Variants in RALGDS observed in about 807,000 individuals in gnomAD.
RALGDS encodes ral guanine nucleotide exchange factor.
In RALGDS, 44 loss-of-function variants were observed where a neutral mutation model predicts 99.8. The observed-to-expected ratio is 0.44, with a 90% CI of 0.35 to 0.57. The LOEUF (loss-of-function observed/expected upper bound fraction) is 0.57. Among genes scored for constraint, RALGDS ranks in the 20% least tolerant of loss-of-function variants. The probability of loss-of-function intolerance (pLI) is 0.01; values close to 1 mark genes in which losing one functional copy is unlikely to be tolerated. For synonymous variants in RALGDS, 529 were observed against 505.0 expected, an observed-to-expected ratio of 1.05 and a Z score of -0.64; for missense variants, 1,022 against 1,203.1, an observed-to-expected ratio of 0.85 and a Z score of 2.23.
intron 17 of RALGDS, 66 bp from the exon 18 acceptor site, chr9:133,098,828 C>A (rs1388653645): frequency 3.3e-6 from 5 of 1,509,562 alleles, no homozygotes; most frequent in African/African-American, 1.4e-5. Flanking sequence ...ACCCCTACCG[C>A]TTGAGAGCCC....
upstream of RALGDS, among the ~76,000 whole-genome samples, chr9:133,125,539 G>C (rs868799214): frequency 2.0e-5 from 3 of 152,170 alleles, no homozygotes; most frequent in South Asian, 6.2e-4. Flanking sequence ...TTCAAGACCA[G>C]CCTGGCCAAC....
At chr9:133,103,544 C>A in intron 11 of RALGDS, 2 of 701,064 alleles carry the variant, frequency 2.9e-6, no homozygotes, top group Non-Finnish European at 2.5e-6. Flanking sequence ...TCCCTCTGTG[C>A]TCAGGGTCAC....
chr9:133,127,643 C>T (rs751232671), intron 1 of RALGDS, among the ~76,000 whole-genome samples: 24 of 152,230 alleles, frequency 1.6e-4, no homozygotes, highest in African/African-American at 5.1e-4. Context: ...TGGGAACTCC[C>T]GGCACAGCGG....
Position 133,102,525 on chromosome 9 carries a change from T to C in RALGDS, c.1960A>G (p.Asn654Asp). ...GTGTTCTTCTTGGTCCTGAGGGTGTTGCTGGCTGACTCGGATGGGGGCTCC... is the reference window on the plus strand; with the variant it reads ...GTGTTCTTCTTGGTCCTGAGGGTGTCGCTGGCTGACTCGGATGGGGGCTCC... ...ELEPPSESAS[N>D]TLRTKKNTAI... The change falls in exon 14 of 18, where the codon AAC becomes GAC. Residue 654 changes from asparagine (N) to aspartate (D), a missense_variant. Physicochemically the swap from Asn to Asp is conservative, Grantham distance 23 (BLOSUM62 1). This residue lies in a region of RALGDS where 825 missense variants were observed against 994.5 expected (regional missense o/e 0.83). Transcript: ENST00000372050. 1 of 1,614,136 alleles carries C rather than the reference T, an allele frequency of 6.2e-7. No individual in the cohort carries two copies.
intron 1 of RALGDS, among the ~76,000 whole-genome samples, chr9:133,143,812 AT>A (rs1186396774): frequency 7.2e-6 from 1 of 139,588 alleles, no homozygotes; most frequent in Admixed American, 7.0e-5. Context: ...AATAATAATA[AT>A]AATAATAAAA....
intron 1 of RALGDS, among the ~76,000 whole-genome samples, chr9:133,127,793 G>A (rs761523812): frequency 1.3e-5 from 2 of 152,228 alleles, no homozygotes; most frequent in Non-Finnish European, 2.9e-5. Flanking sequence ...GGTGAGAAGC[G>A]AAGCACCGAA....
chr9:133,100,321 T>C lies in RALGDS; in HGVS notation c.2516A>G (p.Glu839Gly). Residue 839 changes from glutamate (E) to glycine (G), a missense_variant, in exon 17 of 18, where the codon GAG becomes GGG. Around this residue, in one of 3 missense-constraint regions of RALGDS, gnomAD observed 825 missense variants for 994.5 expected, o/e 0.83. Coordinates refer to ENST00000372050, the MANE Select transcript of RALGDS (RefSeq NM_006266.4). ...IRKAMDKHNL[E>G]EEEPEDYELL... ...CTCATAGTCCTCCGGCTCCTCCTCC[T>C]CCAGGTTGTGTTTGTCCATGGCCTT... The C allele has an allele frequency of 6.2e-7, 1 of 1,614,194 alleles. No individual in the cohort carries two copies. Among genetic ancestry groups the C allele is most frequent in the Non-Finnish European group, 8.5e-7 (1 of 1,180,020 alleles).
chr9:133,121,264 T>C (rs1421074443), upstream of RALGDS: 176 of 982,336 alleles, frequency 1.8e-4, no homozygotes, highest in Non-Finnish European at 2.0e-4. Context: ...CCGGCCCTGC[T>C]GATGTCAGGC....
At chr9:133,119,355 G>A (rs922449580) in intron 1 of RALGDS, among the ~76,000 whole-genome samples, 2 of 151,406 alleles carry the variant, frequency 1.3e-5, no homozygotes, top group Admixed American at 6.6e-5. Flanking sequence ...TTCAGTTTCC[G>A]GCAGTGGCCT....
upstream of RALGDS, among the ~76,000 whole-genome samples, chr9:133,134,916 G>A (rs531404591): frequency 2.0e-5 from 3 of 152,282 alleles, no homozygotes; most frequent in African/African-American, 7.2e-5. Context: ...GCAGAGCAGG[G>A]CTTCCAATCC....
chr9:133,130,956 C>T, exon 1 of RALGDS: 1 of 1,535,244 alleles, frequency 6.5e-7, no homozygotes, highest in East Asian at 2.4e-5. Context: ...CCTTACCTTC[C>T]TGGGAACCTG....
chr9:133,102,994 C>T, intron 12 of RALGDS, 94 bp from the exon 13 acceptor site: 5 of 1,545,096 alleles, frequency 3.2e-6, no homozygotes, highest in South Asian at 2.3e-5. Flanking sequence ...CCCTTCCTCC[C>T]CTCTACTCCC....
In RALGDS at chr9:133,098,708, T is replaced by C. The variant is rs1830605777; in HGVS notation, c.2624A>G (p.Asn875Ser). The C allele has an allele frequency of 3.1e-6, 5 of 1,614,154 alleles. No homozygotes were observed. Among genetic ancestry groups the C allele is most frequent in the South Asian group, 1.1e-5 (1 of 91,082 alleles). The change falls in exon 18 of 18, where the codon AAC becomes AGC. Residue 875 changes from asparagine (N) to serine (S), a missense_variant. This residue lies in a region of RALGDS where 825 missense variants were observed against 994.5 expected (regional missense o/e 0.83). Coordinates refer to ENST00000372050, the MANE Select transcript of RALGDS (RefSeq NM_006266.4). ...NVFYAMNSTA[N>S]YDFVLKKRTF... ...CCGCTTCTTGAGGACAAAGTCATAGTTGGCGGTAGAGTTCATGGCATAGAA... is the reference window on the plus strand; with the variant it reads ...CCGCTTCTTGAGGACAAAGTCATAGCTGGCGGTAGAGTTCATGGCATAGAA...
At chr9:133,117,579 T>C (rs1012410235) in intron 1 of RALGDS, among the ~76,000 whole-genome samples, 4 of 152,210 alleles carry the variant, frequency 2.6e-5, no homozygotes, top group East Asian at 1.9e-4. Flanking sequence ...ACTGGGAGAA[T>C]TGGGTCTGCT....
intron 1 of RALGDS, among the ~76,000 whole-genome samples, chr9:133,114,380 G>A (rs532990164): frequency 6.6e-6 from 1 of 152,328 alleles, no homozygotes; most frequent in East Asian, 1.9e-4. Flanking sequence ...AGATGGTGGA[G>A]GTGCAGGCTC....
intron 1 of RALGDS, among the ~76,000 whole-genome samples, chr9:133,115,023 A>G (rs928575353): frequency 1.3e-5 from 2 of 152,188 alleles, no homozygotes; most frequent in Non-Finnish European, 2.9e-5. Context: ...CAGCCTTCTC[A>G]GAGTGACAGG....
At chr9:133,120,253 A>G (rs1449867062) in intron 1 of RALGDS, among the ~76,000 whole-genome samples, 1 of 152,032 alleles carries the variant, frequency 6.6e-6, no homozygotes, top group Non-Finnish European at 1.5e-5. Context: ...CATCACAGGT[A>G]CACCACTCCC....
chr9:133,104,471 GC>G (rs1830919178), intron 9 of RALGDS, 140 bp from the exon 10 acceptor site: 3 of 772,138 alleles, frequency 3.9e-6, no homozygotes, highest in Non-Finnish European at 6.6e-6. Context: ...TGGGCCGGTG[GC>G]CTGGCCTTCC....
intron 11 of RALGDS, 182 bp downstream of exon 11, chr9:133,103,565 A>C: frequency 1.4e-6 from 1 of 740,324 alleles, no homozygotes; most frequent in Non-Finnish European, 2.4e-6. Flanking sequence ...TGCCTGAGGG[A>C]TGGGCTGTGT....
Sources: gnomAD v4.1 joint callset for allele counts (sites outside exome capture counted in the v4.1 genomes callset) on GRCh38, gnomAD v4.1.1 for gene constraint, gnomAD v4.1.1 regional missense constraint, MANE v1.5 for transcripts, NCBI Gene and HGNC (gene_info 2026-07-23, HGNC 2026-07-21) for gene names.